TTLL7: variants seen among roughly 807,000 people sequenced by gnomAD.
TTLL7 encodes the protein tubulin polyglutamylase TTLL7.
A neutral mutation model predicts 120.2 loss-of-function variants in TTLL7; 53 were observed. That is an observed-to-expected ratio of 0.44 (90% CI 0.35 to 0.55). TTLL7 has a LOEUF of 0.55. TTLL7 is among the 20% of genes least tolerant of loss of function. TTLL7 has a pLI of 0.00. For missense variants in TTLL7, 803 were observed against 1,054.7 expected (o/e 0.76, Z 3.31); for synonymous variants, 353 against 351.7 (o/e 1.00, Z -0.04).
At chr1:83,929,457 A>G (rs1289303740) in intron 9 of TTLL7, among the ~76,000 whole-genome samples, 1 of 152,094 alleles carries the variant, frequency 6.6e-6, no homozygotes, top group East Asian at 1.9e-4. Flanking sequence ...AGGCTGCCTT[A>G]GTTTAGGAGC....
intron 18 of TTLL7, among the ~76,000 whole-genome samples, chr1:83,901,444 C>T (rs1204535617): frequency 6.6e-6 from 1 of 151,870 alleles, no homozygotes; most frequent in Non-Finnish European, 1.5e-5. Context: ...TGAAATACCA[C>T]ATTTATCCTG....
intron 20 of TTLL7, among the ~76,000 whole-genome samples, chr1:83,870,435 T>C (rs932727433): frequency 6.6e-6 from 1 of 152,222 alleles, no homozygotes; most frequent in Non-Finnish European, 1.5e-5. Context: ...AGAATTTGAC[T>C]AGCCACATTA....
intron 17 of TTLL7, among the ~76,000 whole-genome samples, chr1:83,905,974 T>G (rs1237445743): frequency 6.6e-6 from 1 of 152,068 alleles, no homozygotes; most frequent in African/African-American, 2.4e-5. Flanking sequence ...CCATTCCATA[T>G]TAGTTCTTTC....
intron 1 of TTLL7, among the ~76,000 whole-genome samples, chr1:83,962,000 G>A (rs1478957953): frequency 1.3e-5 from 2 of 152,096 alleles, no homozygotes; most frequent in Non-Finnish European, 2.9e-5. Context: ...GAAACTTAGG[G>A]TCTGTTGTAC....
chr1:83,989,171 C>T (rs1370707334), intron 1 of TTLL7, among the ~76,000 whole-genome samples: 2 of 152,174 alleles, frequency 1.3e-5, no homozygotes, highest in African/African-American at 4.8e-5. Context: ...CGTACAGAAG[C>T]TCTTTACTTT....
rs190993583 is a variant in TTLL7, at chr1:83,884,042, G to T, written c.2370-906C>A. On this transcript the variant is annotated intron_variant, in intron 19 of 20. Transcript: ENST00000260505. ...TCAATTTTGTGTGGGGGGTGTGTGT[G>T]TATGTGTGTGTGTGTTAACAATTCC... Among the ~76,000 whole-genome samples, 359 of 151,908 alleles carry T rather than the reference G, an allele frequency of 2.4e-3. 3 individuals are homozygous for T. The highest frequency in any genetic ancestry group is 2.7e-4 in the Non-Finnish European group (18 of 67,912).
intron 10 of TTLL7, among the ~76,000 whole-genome samples, chr1:83,925,360 C>T (rs1002998353): frequency 2.6e-5 from 4 of 152,172 alleles, no homozygotes; most frequent in African/African-American, 9.7e-5. Flanking sequence ...AGTCATCCAA[C>T]CCAGAAGCCT....
intron 1 of TTLL7, among the ~76,000 whole-genome samples, chr1:83,961,000 T>C (rs1015023172): frequency 1.6e-4 from 24 of 152,128 alleles, no homozygotes; most frequent in African/African-American, 5.1e-4. Flanking sequence ...TTTGATCAAC[T>C]ACTTCTAAAA....
At chr1:83,932,958 G>A (rs1281117806) in intron 9 of TTLL7, among the ~76,000 whole-genome samples, 1 of 152,054 alleles carries the variant, frequency 6.6e-6, no homozygotes. Flanking sequence ...TATAAAAATT[G>A]TCAACAGAGA....
intron 7 of TTLL7, 137 bp downstream of exon 7, chr1:83,942,326 A>G: frequency 1.6e-6 from 1 of 637,576 alleles, no homozygotes; most frequent in Non-Finnish European, 2.6e-6. Context: ...AATCTTATTT[A>G]TGTACACAAT....
intron 14 of TTLL7, among the ~76,000 whole-genome samples, chr1:83,915,941 A>G (rs1175991297): frequency 4.6e-5 from 7 of 152,256 alleles, no homozygotes; most frequent in Non-Finnish European, 1.0e-4. Context: ...CCACAATGAG[A>G]TACCATCTCA....
intron 1 of TTLL7, among the ~76,000 whole-genome samples, chr1:83,968,931 C>T (rs929390849): frequency 1.2e-4 from 18 of 151,908 alleles, no homozygotes; most frequent in African/African-American, 1.9e-4. Flanking sequence ...GAAAACTATA[C>T]ACAAAACTGT....
At chr1:83,929,374 C>A (rs1437182000) in intron 9 of TTLL7, 144 bp from the exon 10 acceptor site, 6 of 579,284 alleles carry the variant, frequency 1.0e-5, no homozygotes, top group Non-Finnish European at 1.8e-5. Context: ...GTTGTTATTG[C>A]CACATCTCCA....
chr1:83,911,137 A>G (rs752467674), intron 15 of TTLL7, 28 bp downstream of exon 15: 1 of 1,550,052 alleles, frequency 6.5e-7, no homozygotes, highest in South Asian at 1.1e-5. Context: ...TCTTTATATA[A>G]CATCTAAATT....
Position 83,917,595 on chromosome 1 carries a change from A to G in TTLL7, c.1587+9T>C, listed in dbSNP as rs753051090. 2 of 1,588,208 alleles carry G rather than the reference A, an allele frequency of 1.3e-6. No individual in the cohort carries two copies. Among genetic ancestry groups the G allele is most frequent in the South Asian group, 1.1e-5 (1 of 90,504 alleles). ...TTTGATAAGTAAGGAAGGTAGAGAT[A>G]TACTGCACCTTTGGTCCTCGAGTCT... On this transcript the variant is annotated intron_variant, in intron 14 of 20. Transcript: ENST00000260505.
chr1:83,883,028 A>C lies in TTLL7; in HGVS notation c.2478T>G (p.Val826=). The C allele has an allele frequency of 6.2e-7, 1 of 1,612,802 alleles. No homozygotes were observed. The highest frequency in any genetic ancestry group is 8.5e-7 in the Non-Finnish European group (1 of 1,179,250). ...CTCTTTTGTCAGTTGCATATTTGTA[A>C]ACCACTAGCAGGCACTGTTTACAAA... is the stretch of plus-strand genomic sequence containing the variant. ...VELCKQCLLV[V]YKYATDKRGS... The change falls in exon 20 of 21, where the codon GTT becomes GTG. Residue 826 remains valine (V), a synonymous_variant. Transcript: ENST00000260505.
At chr1:83,921,035 T>C (rs574162971) in intron 12 of TTLL7, 52 bp downstream of exon 12, 13 of 1,511,914 alleles carry the variant, frequency 8.6e-6, no homozygotes, top group Admixed American at 5.8e-5. Flanking sequence ...TGAAGAATCA[T>C]TGCTTTGATA....
chr1:83,952,214 T>A lies in TTLL7; in HGVS notation c.-3A>T. 6.2e-7 allele frequency: 1 copy of A among 1,614,006 alleles called. No homozygotes were observed. Among genetic ancestry groups the A allele is most frequent in the South Asian group, 1.1e-5 (1 of 91,054 alleles). ...CCTTCTTGAGGCAGAGATGGCATTA[T>A]TGCCTGTGCTGATTAGCAAGCAGTG... On this transcript the variant is annotated 5_prime_UTR_variant, in exon 2 of 21. Coordinates refer to ENST00000260505, the MANE Select transcript of TTLL7 (RefSeq NM_024686.6).
At chr1:83,894,096 A>T (rs78881587) in intron 18 of TTLL7, among the ~76,000 whole-genome samples, 2,567 of 152,208 alleles carry the variant, frequency 0.017, 37 homozygotes, top group Non-Finnish European at 0.025. Flanking sequence ...CTCATGACTA[A>T]TGTGATATAA....
Sources: allele counts gnomAD v4.1 joint callset (sites outside exome capture counted in the v4.1 genomes callset), GRCh38; gene constraint gnomAD v4.1.1; transcripts MANE v1.5; gene names NCBI Gene and HGNC (gene_info 2026-07-23, HGNC 2026-07-21).